The following TRERF1 variants were observed in gnomAD, a reference collection of about 807,000 sequenced individuals.
TRERF1 encodes transcriptional-regulating factor 1.
Under a neutral mutation model 122.9 loss-of-function variants are expected in TRERF1, and 27 were observed. That is an observed-to-expected ratio of 0.22 (90% CI 0.16 to 0.30). The LOEUF is 0.30. TRERF1 is among the 10% of genes least tolerant of loss of function. TRERF1 has a pLI of 1.00. For missense variants in TRERF1, 1,248 were observed against 1,560.3 expected (o/e 0.80, Z 3.37); for synonymous variants, 636 against 641.7 (o/e 0.99, Z 0.13).
At chr6:42,360,773 A>G (rs1253213982) in intron 3 of TRERF1, among the ~76,000 whole-genome samples, 5 of 21,728 alleles carry the variant, frequency 2.3e-4, no homozygotes, top group Non-Finnish European at 4.0e-4. Context: ...GGAGAGATTA[A>G]AAAAAAAAAA....
chr6:42,432,783 C>T (rs1056976294), intron 2 of TRERF1, among the ~76,000 whole-genome samples: 1 of 146,038 alleles, frequency 6.8e-6, no homozygotes, highest in African/African-American at 2.6e-5. Context: ...GCAGAGGTTG[C>T]AGTGAGCAGA....
chr6:42,439,205 C>A (rs1047760946), intron 2 of TRERF1, among the ~76,000 whole-genome samples: 1 of 152,126 alleles, frequency 6.6e-6, no homozygotes, highest in African/African-American at 2.4e-5. Flanking sequence ...GACTGGATTC[C>A]GTTCCCCAAC....
At chr6:42,279,296 C>T (rs1449161318) in intron 4 of TRERF1, among the ~76,000 whole-genome samples, 5 of 152,120 alleles carry the variant, frequency 3.3e-5, no homozygotes, top group Non-Finnish European at 7.4e-5. Context: ...TCCACTCCTG[C>T]CCCCAAGAAC....
intron 2 of TRERF1, among the ~76,000 whole-genome samples, chr6:42,403,245 A>T (rs1350557266): frequency 6.6e-6 from 1 of 152,142 alleles, no homozygotes; most frequent in Non-Finnish European, 1.5e-5. Flanking sequence ...TCTCCCAAAA[A>T]TTCACGGCCA....
chr6:42,334,276 T>G (rs571360496), intron 3 of TRERF1, among the ~76,000 whole-genome samples: 2 of 152,190 alleles, frequency 1.3e-5, no homozygotes, highest in African/African-American at 4.8e-5. Flanking sequence ...GAGATCTGCC[T>G]GTAGCAGCCA....
At chr6:42,262,381 G>C (rs758260447) in intron 8 of TRERF1, among the ~76,000 whole-genome samples, 4 of 150,876 alleles carry the variant, frequency 2.7e-5, no homozygotes, top group African/African-American at 2.4e-5. Context: ...CACTTTGTGG[G>C]GAGGGGGTAG....
chr6:42,250,151 G>A (rs1321464671), intron 13 of TRERF1, among the ~76,000 whole-genome samples: 1 of 152,164 alleles, frequency 6.6e-6, no homozygotes, highest in Non-Finnish European at 1.5e-5. Context: ...GGGGATGGTG[G>A]CAGTTACCCT....
At chr6:42,439,366 T>C (rs968296465) in intron 2 of TRERF1, among the ~76,000 whole-genome samples, 2 of 152,142 alleles carry the variant, frequency 1.3e-5, no homozygotes, top group Non-Finnish European at 2.9e-5. Context: ...AGACAGTACG[T>C]ACCAGGCCCC....
intron 2 of TRERF1, among the ~76,000 whole-genome samples, chr6:42,407,576 G>C (rs1780358956): frequency 6.6e-6 from 1 of 152,138 alleles, no homozygotes; most frequent in South Asian, 2.1e-4. Flanking sequence ...GAGACTGGGA[G>C]CTTGAGAAGA....
chr6:42,311,713 C>T (rs1463270820), intron 3 of TRERF1, among the ~76,000 whole-genome samples: 1 of 147,626 alleles, frequency 6.8e-6, no homozygotes, highest in Non-Finnish European at 1.5e-5. Flanking sequence ...TTGCAGTGAG[C>T]CAAGATCGTG....
At chr6:42,326,174 T>C (rs1397030456) in intron 3 of TRERF1, among the ~76,000 whole-genome samples, 2 of 151,444 alleles carry the variant, frequency 1.3e-5, no homozygotes, top group Non-Finnish European at 2.9e-5. Context: ...GAGGAAAAAT[T>C]GAAATAAAAA....
At chr6:42,428,350 G>A (rs1434405547) in intron 2 of TRERF1, among the ~76,000 whole-genome samples, 1 of 152,210 alleles carries the variant, frequency 6.6e-6, no homozygotes, top group Non-Finnish European at 1.5e-5. Flanking sequence ...TCATTCAGCT[G>A]TTGGCTTTTT....
chr6:42,325,276 G>T (rs974469449), intron 3 of TRERF1, among the ~76,000 whole-genome samples: 6 of 152,188 alleles, frequency 3.9e-5, no homozygotes, highest in African/African-American at 1.4e-4. Flanking sequence ...CGCGGCTGTG[G>T]GGAAAAGGGA....
chr6:42,257,189 G>A, intron 10 of TRERF1, 87 bp from the exon 11 acceptor site: 1 of 1,483,344 alleles, frequency 6.7e-7, no homozygotes, highest in Non-Finnish European at 9.2e-7. Flanking sequence ...TGAAAAAGAA[G>A]GAAACTAGTT....
At position 42,228,501 on chromosome 6, in the gene TRERF1, C is replaced by G. The variant is rs144252135; in HGVS notation, c.3447G>C (p.Gln1149His). 1.6e-4 allele frequency: 264 copies of G among 1,614,186 alleles called. 2 individuals carry two copies. The African/African-American group carries it at 2.8e-3, about 17-fold the overall frequency. ...CCTTGATGGGTTTGATCAGACTCAG[C>G]TGGTCCAGGGGCAGCAGCCCCGGCG... is the stretch of plus-strand genomic sequence containing the variant. Residue 1149 changes from glutamine (Q) to histidine (H), a missense_variant, in exon 18 of 18, where the codon CAG (glutamine) becomes CAC (histidine). Physicochemically the swap from Gln to His is conservative, Grantham distance 24 (BLOSUM62 0). Around this residue, in one of 5 missense-constraint regions of TRERF1, gnomAD observed 84 missense variants for 116.0 expected, o/e 0.72. Coordinates refer to ENST00000372922, the Ensembl canonical transcript of TRERF1. The surrounding 1 kb of genome is among the most constrained non-coding windows in gnomAD (Gnocchi z 4.2).
chr6:42,323,241 C>T (rs558303817), intron 3 of TRERF1, among the ~76,000 whole-genome samples: 86 of 151,008 alleles, frequency 5.7e-4, no homozygotes, highest in African/African-American at 1.9e-3. Flanking sequence ...CTCTGTCGCC[C>T]AGGCTGGAGT....
At chr6:42,274,411 A>C (rs185355666) in intron 4 of TRERF1, among the ~76,000 whole-genome samples, 3 of 152,356 alleles carry the variant, frequency 2.0e-5, no homozygotes, top group Admixed American at 2.0e-4. Context: ...AAAATGGCTC[A>C]AGCCTGTAAT....
rs148716996 is a variant in TRERF1 at position 42,332,967 on chromosome 6, G to A, written c.-371+30030C>T. Among the ~76,000 whole-genome samples the A allele has an allele frequency of 1.4e-4, 22 of 152,214 alleles. No individual in the cohort carries two copies. The East Asian group carries it at 4.1e-3, about 28-fold the overall frequency. Reference sequence around the variant, plus strand: ...ATTTTCCCAAAAAATTATATAGGGAGCTCCCATACTATTCCAGGGACTGTT... The same window carrying A: ...ATTTTCCCAAAAAATTATATAGGGAACTCCCATACTATTCCAGGGACTGTT... On this transcript the variant is annotated intron_variant, in intron 3 of 17. Coordinates refer to ENST00000372922, the Ensembl canonical transcript of TRERF1.
chr6:42,266,414 C>A (rs1779201373), intron 5 of TRERF1, among the ~76,000 whole-genome samples: 1 of 152,174 alleles, frequency 6.6e-6, no homozygotes, highest in African/African-American at 2.4e-5. Flanking sequence ...GTCTCGAACT[C>A]CTGGGCTCAA....
Sources: allele counts gnomAD v4.1 joint callset (sites outside exome capture counted in the v4.1 genomes callset), GRCh38; gene constraint gnomAD v4.1.1; regional missense constraint gnomAD v4.1.1; non-coding constraint Gnocchi (gnomAD v3.1); transcripts MANE v1.5; gene names NCBI Gene and HGNC (gene_info 2026-07-23, HGNC 2026-07-21).